Variants in FER1L6 observed in about 807,000 individuals in gnomAD.
The protein encoded by FER1L6 is fer-1 like family member 6, also known as fer-1-like protein 6.
A neutral mutation model predicts 219.2 loss-of-function variants in FER1L6; 177 were observed. The ratio of observed to expected loss-of-function variants is 0.81; its 90% CI spans 0.71 to 0.91. The LOEUF is 0.91. FER1L6 is among the 40% of genes least tolerant of loss of function. FER1L6 has a pLI of 0.00. For synonymous variants in FER1L6, 768 were observed against 824.3 expected (o/e 0.93, Z 1.17); for missense variants, 2,153 against 2,259.9 (o/e 0.95, Z 0.96).
At chr8:124,045,258 C>T (rs1031175452) in intron 20 of FER1L6, among the ~76,000 whole-genome samples, 2 of 152,184 alleles carry the variant, frequency 1.3e-5, no homozygotes, top group African/African-American at 4.8e-5. Context: ...AGGTTAGCAG[C>T]CTGCCTGGGC....
intron 39 of FER1L6, 42 bp from the exon 40 acceptor site, chr8:124,118,802 G>GTCTT: frequency 1.9e-6 from 3 of 1,577,104 alleles, no homozygotes; most frequent in Non-Finnish European, 2.6e-6. Context: ...GGCTCAGTGG[G>GTCTT]TCTTTGTGAC....
rs1414154872 is a variant in FER1L6, at chr8:124,001,556, C to T, written c.1520-1611C>T. ...GTGAATTTTAAAAAGAGGACTCAAA[C>T]AAAACCTGCTAACTCTAAGTCTCCT... On this transcript the variant is annotated intron_variant, in intron 12 of 40. Transcript: ENST00000522917. 2.6e-5 allele frequency among the ~76,000 whole-genome samples: 4 copies of T among 152,196 alleles called. No individual in the cohort carries two copies. In the East Asian group the frequency reaches 7.7e-4, roughly 29 times the overall value.
intron 1 of FER1L6, among the ~76,000 whole-genome samples, chr8:123,873,112 C>T (rs1172459788): frequency 6.6e-6 from 1 of 152,094 alleles, no homozygotes; most frequent in African/African-American, 2.4e-5. Context: ...TCCATTTCTT[C>T]CCTCCCTCTA....
intron 5 of FER1L6, among the ~76,000 whole-genome samples, chr8:123,966,943 G>A (rs929333964): frequency 9.2e-5 from 14 of 152,090 alleles, no homozygotes; most frequent in Non-Finnish European, 1.6e-4. Flanking sequence ...TTAGCCAGGC[G>A]TGGTGGCAGG....
chr8:123,891,555 C>T (rs1022836499), intron 1 of FER1L6, among the ~76,000 whole-genome samples: 3 of 152,110 alleles, frequency 2.0e-5, no homozygotes, highest in African/African-American at 4.8e-5. Context: ...GAGTAACCTA[C>T]TTTAATACAG....
intron 34 of FER1L6, among the ~76,000 whole-genome samples, chr8:124,094,344 T>C (rs966639445): frequency 6.6e-6 from 1 of 152,178 alleles, no homozygotes; most frequent in Non-Finnish European, 1.5e-5. Context: ...CCAAGACTGC[T>C]CTCTGGGTCC....
intron 1 of FER1L6, among the ~76,000 whole-genome samples, chr8:123,859,218 C>T (rs1245422805): frequency 6.6e-6 from 1 of 152,180 alleles, no homozygotes; most frequent in Non-Finnish European, 1.5e-5. Context: ...ACAGGCTGGT[C>T]TCAAACTCCT....
At chr8:123,865,085 TTC>T (rs1419328481) in intron 1 of FER1L6, among the ~76,000 whole-genome samples, 1 of 150,612 alleles carries the variant, frequency 6.6e-6, no homozygotes, top group African/African-American at 2.5e-5. Context: ...AGTTTTTCTG[TTC>T]TGTTTTTTCC....
At chr8:123,955,938 A>G in intron 1 of FER1L6, 54 bp from the exon 2 acceptor site, 1 of 1,510,028 alleles carries the variant, frequency 6.6e-7, no homozygotes, top group Admixed American at 2.0e-5. Flanking sequence ...CCTTCTCCTA[A>G]CACGTCTAAA....
At chr8:123,911,281 T>C (rs1300484620) in intron 1 of FER1L6, among the ~76,000 whole-genome samples, 1 of 152,204 alleles carries the variant, frequency 6.6e-6, no homozygotes, top group Non-Finnish European at 1.5e-5. Context: ...TTCCACATGA[T>C]AGTTATGCAA....
At chr8:123,960,874 C>T (rs1446086071) in intron 2 of FER1L6, among the ~76,000 whole-genome samples, 1 of 152,162 alleles carries the variant, frequency 6.6e-6, no homozygotes, top group Non-Finnish European at 1.5e-5. Flanking sequence ...GACTGGCTAT[C>T]TTTTCAGAAT....
chr8:124,071,230 A>G (rs1169190518), intron 30 of FER1L6, among the ~76,000 whole-genome samples: 1 of 152,228 alleles, frequency 6.6e-6, no homozygotes. Flanking sequence ...CCCCACATGT[A>G]AAAGGCACTT....
intron 31 of FER1L6, among the ~76,000 whole-genome samples, chr8:124,073,488 C>CCTT (rs1821160863): frequency 1.3e-5 from 2 of 152,080 alleles, no homozygotes; most frequent in Non-Finnish European, 2.9e-5. Context: ...AATTCTCAAA[C>CCTT]CTTTTAATTA....
At chr8:123,963,112 T>C (rs1451385500) in intron 2 of FER1L6, among the ~76,000 whole-genome samples, 166 bp from the exon 3 acceptor site, 1 of 152,264 alleles carries the variant, frequency 6.6e-6, no homozygotes, top group Non-Finnish European at 1.5e-5. Context: ...GAAGGATGTA[T>C]CTGGCATTTC....
At chr8:123,910,440 A>G (rs1813031345) in intron 1 of FER1L6, among the ~76,000 whole-genome samples, 1 of 152,202 alleles carries the variant, frequency 6.6e-6, no homozygotes, top group Non-Finnish European at 1.5e-5. Context: ...GCATTGCCGG[A>G]GTTGCTTTGG....
chr8:123,919,603 T>C (rs971075905), intron 1 of FER1L6, among the ~76,000 whole-genome samples: 3 of 152,218 alleles, frequency 2.0e-5, no homozygotes, highest in Admixed American at 1.3e-4. Context: ...GCGTTGGCCA[T>C]ATAATTTGCA....
rs1169363094 is a variant in FER1L6, at chr8:123,882,564, C to A, written c.-8+30379C>A. 2.0e-5 allele frequency among the ~76,000 whole-genome samples: 3 copies of A among 152,244 alleles called. 1 individual carries two copies. In the East Asian group the frequency reaches 5.8e-4, roughly 29 times the overall value. On this transcript the variant is annotated intron_variant, in intron 1 of 40. Transcript: ENST00000522917. ...CCGTTGATCAGGATAGACAAGATGTCTTCACAGAGCTGATAGAGTGGGAGT... is the reference window on the plus strand; with the variant it reads ...CCGTTGATCAGGATAGACAAGATGTATTCACAGAGCTGATAGAGTGGGAGT...
chr8:123,905,240 C>G (rs556784026), intron 1 of FER1L6, among the ~76,000 whole-genome samples: 5 of 152,126 alleles, frequency 3.3e-5, no homozygotes, highest in African/African-American at 7.2e-5. Flanking sequence ...CTCCCTCCCC[C>G]CAACACCCCT....
At chr8:123,955,417 C>G (rs1023339818) in intron 1 of FER1L6, among the ~76,000 whole-genome samples, 3 of 152,188 alleles carry the variant, frequency 2.0e-5, no homozygotes, top group Admixed American at 6.5e-5. Context: ...AAGTTCCAGG[C>G]CTTCTTGACC....
Sources: gnomAD v4.1 joint callset for allele counts (sites outside exome capture counted in the v4.1 genomes callset) on GRCh38, gnomAD v4.1.1 for gene constraint, MANE v1.5 for transcripts, NCBI Gene and HGNC (gene_info 2026-07-23, HGNC 2026-07-21) for gene names.